GPR39: variants seen among roughly 807,000 people sequenced by gnomAD.
The protein encoded by GPR39 is G protein-coupled receptor 39, also known as zinc sensing receptor.
In GPR39, 23 loss-of-function variants were observed where a neutral mutation model predicts 18.4. The observed-to-expected ratio is 1.25, with a 90% CI of 0.90 to 1.77. The LOEUF (loss-of-function observed/expected upper bound fraction) is 1.77, where lower values mean the gene tolerates loss of function less well. Among genes scored for constraint, GPR39 ranks in the 40% most tolerant of loss-of-function variants. GPR39 has a pLI of 0.00. For synonymous variants in GPR39, 280 were observed against 257.9 expected, an observed-to-expected ratio of 1.09 and a Z score of -0.82; for missense variants, 647 against 602.4, an observed-to-expected ratio of 1.07 and a Z score of -0.78.
At chr2:132,538,485 A>C (rs1421911896) in intron 1 of GPR39, among the ~76,000 whole-genome samples, 1 of 152,204 alleles carries the variant, frequency 6.6e-6, no homozygotes. Context: ...GGTGTCTGTC[A>C]GCCCCTTTTG....
intron 1 of GPR39, among the ~76,000 whole-genome samples, chr2:132,518,434 A>T (rs1213722708): frequency 6.6e-6 from 1 of 152,194 alleles, no homozygotes; most frequent in Non-Finnish European, 1.5e-5. Context: ...CTCCAACTTG[A>T]TGAATGTCTA....
At chr2:132,615,000 A>C (rs764408914) in intron 1 of GPR39, among the ~76,000 whole-genome samples, 7 of 152,162 alleles carry the variant, frequency 4.6e-5, no homozygotes, top group Non-Finnish European at 7.3e-5. Context: ...CCATCTGAGC[A>C]ACCCTCTCTA....
intron 1 of GPR39, among the ~76,000 whole-genome samples, chr2:132,495,851 CTCT>C (rs777094147): frequency 3.9e-5 from 6 of 151,902 alleles, no homozygotes; most frequent in East Asian, 1.9e-4. Context: ...TATCATTGCT[CTCT>C]TCTTCTTAGT....
chr2:132,635,260 T>G (rs1162537829), intron 1 of GPR39, among the ~76,000 whole-genome samples: 2 of 152,232 alleles, frequency 1.3e-5, no homozygotes, highest in Non-Finnish European at 2.9e-5. Context: ...CCTGCAAACA[T>G]TTATTGAGCA....
chr2:132,634,170 G>T (rs1681706088), intron 1 of GPR39, among the ~76,000 whole-genome samples: 1 of 152,046 alleles, frequency 6.6e-6, no homozygotes, highest in African/African-American at 2.4e-5. Flanking sequence ...AAAGATGGTG[G>T]TAGTGGTGGT....
In GPR39 at chr2:132,645,638, G is replaced by C. The variant is rs374523079; in HGVS notation, c.*32G>C. The C allele has an allele frequency of 2.5e-6, 4 of 1,587,544 alleles. No homozygotes were observed. The Admixed American group carries it at 7.0e-5, about 28-fold the overall frequency. On this transcript the variant is annotated 3_prime_UTR_variant, in exon 2 of 2. Transcript: ENST00000329321. ...AGCGAGGGAGCCTTGAGTGGGAACT[G>C]GCCCTCCAGCCCTAAGAAAACGTCA...
intron 1 of GPR39, among the ~76,000 whole-genome samples, chr2:132,608,275 A>G (rs1376753075): frequency 6.6e-6 from 1 of 152,238 alleles, no homozygotes. Flanking sequence ...GTATTGGGGC[A>G]TGTTGGTGGC....
At chr2:132,570,900 A>G (rs1680430939) in intron 1 of GPR39, among the ~76,000 whole-genome samples, 1 of 152,158 alleles carries the variant, frequency 6.6e-6, no homozygotes, top group African/African-American at 2.4e-5. Flanking sequence ...TAACTCTTTC[A>G]ATAGCCTTGA....
At chr2:132,552,873 CACAT>C (rs58348928) in intron 1 of GPR39, among the ~76,000 whole-genome samples, 1 of 100,774 alleles carries the variant, frequency 9.9e-6, no homozygotes, top group African/African-American at 4.6e-5. Flanking sequence ...CATATATATA[CACAT>C]ATATATATAC....
intron 1 of GPR39, among the ~76,000 whole-genome samples, chr2:132,458,699 T>C (rs1471533719): frequency 1.3e-5 from 2 of 152,274 alleles, no homozygotes; most frequent in African/African-American, 2.4e-5. Flanking sequence ...TCTTTGAATT[T>C]TCCCCCCAGG....
At chr2:132,597,911 A>G (rs1179912381) in intron 1 of GPR39, among the ~76,000 whole-genome samples, 1 of 152,196 alleles carries the variant, frequency 6.6e-6, no homozygotes, top group Non-Finnish European at 1.5e-5. Flanking sequence ...TCCCATACCC[A>G]AAGTCTAGTA....
At chr2:132,603,726 G>C (rs530087572) in intron 1 of GPR39, among the ~76,000 whole-genome samples, 9 of 152,214 alleles carry the variant, frequency 5.9e-5, no homozygotes, top group African/African-American at 2.2e-4. Flanking sequence ...GTGCGAAATG[G>C]GTTACTAAAA....
At chr2:132,581,014 A>G (rs1338859070) in intron 1 of GPR39, among the ~76,000 whole-genome samples, 1 of 151,570 alleles carries the variant, frequency 6.6e-6, no homozygotes, top group African/African-American at 2.4e-5. Flanking sequence ...AAAAACTGCA[A>G]CACTGACTTC....
At position 132,597,998 on chromosome 2, in the gene GPR39, T is replaced by C. The variant is rs75622661; in HGVS notation, c.857-47103T>C. On this transcript the variant is annotated intron_variant, in intron 1 of 1. Transcript: ENST00000329321. ...GAAGTGCTGAACCAGCACAGCCACA[T>C]TGAGCTCAGCTAATCCATCAGTAGC... 6.5e-3 allele frequency among the ~76,000 whole-genome samples: 986 copies of C among 152,294 alleles called. 7 individuals carry two copies. The highest frequency in any genetic ancestry group is 0.022 in the African/African-American group (923 of 41,556).
chr2:132,453,596 G>A (rs1680667675), intron 1 of GPR39, among the ~76,000 whole-genome samples: 1 of 152,130 alleles, frequency 6.6e-6, no homozygotes, highest in African/African-American at 2.4e-5. Context: ...TTTTCTTCTA[G>A]TGCTTTTAGG....
intron 1 of GPR39, among the ~76,000 whole-genome samples, chr2:132,640,184 A>C (rs1681834984): frequency 1.3e-5 from 2 of 152,216 alleles, no homozygotes; most frequent in Admixed American, 1.3e-4. Flanking sequence ...AAAATAGAGC[A>C]TGGTGTCAGA....
intron 1 of GPR39, among the ~76,000 whole-genome samples, chr2:132,601,578 C>G (rs969842988): frequency 6.6e-6 from 1 of 151,996 alleles, no homozygotes; most frequent in South Asian, 2.1e-4. Context: ...AAAGTCCTCA[C>G]CAGAGTAATT....
chr2:132,639,443 A>G (rs1681821539), intron 1 of GPR39, among the ~76,000 whole-genome samples: 1 of 152,246 alleles, frequency 6.6e-6, no homozygotes, highest in Admixed American at 6.5e-5. Context: ...TCAAGGCTTC[A>G]ATGATTCCAT....
chr2:132,630,994 G>A (rs1021016603), intron 1 of GPR39, among the ~76,000 whole-genome samples: 5 of 152,068 alleles, frequency 3.3e-5, no homozygotes, highest in African/African-American at 1.2e-4. Flanking sequence ...CAGGGTTCTG[G>A]CCATAGTTGT....
Sources: allele counts gnomAD v4.1 joint callset (sites outside exome capture counted in the v4.1 genomes callset), GRCh38; gene constraint gnomAD v4.1.1; transcripts MANE v1.5; gene names NCBI Gene and HGNC (gene_info 2026-07-23, HGNC 2026-07-21).